Variants in PCDH15 observed in about 807,000 individuals in gnomAD.
The protein encoded by PCDH15 is protocadherin-15.
A neutral mutation model predicts 178.5 loss-of-function variants in PCDH15; 129 were observed. The observed-to-expected ratio is 0.72, with a 90% CI of 0.63 to 0.84. The LOEUF (loss-of-function observed/expected upper bound fraction) is 0.84. PCDH15 is among the 40% of genes least tolerant of loss of function. The probability of loss-of-function intolerance (pLI) is 0.00; values close to 1 mark genes in which losing one functional copy is unlikely to be tolerated. For synonymous variants in PCDH15, 800 were observed against 732.0 expected (o/e 1.09, Z -1.50); for missense variants, 2,230 against 2,099.9 (o/e 1.06, Z -1.21).
chr10:54,292,830 GA>G (rs1422530126), intron 8 of PCDH15, among the ~76,000 whole-genome samples: 1 of 152,076 alleles, frequency 6.6e-6, no homozygotes, highest in Non-Finnish European at 1.5e-5. Flanking sequence ...CAAAAATATG[GA>G]AGAAAATTCC....
chr10:54,240,756 C>G (rs1041597185), intron 8 of PCDH15, among the ~76,000 whole-genome samples: 9 of 151,218 alleles, frequency 6.0e-5, no homozygotes, highest in Non-Finnish European at 1.2e-4. Context: ...CTCAGCCTCC[C>G]GAGTAGCTGG....
intron 2 of PCDH15, among the ~76,000 whole-genome samples, chr10:54,898,735 A>G (rs753224494): frequency 6.6e-6 from 1 of 152,166 alleles, no homozygotes; most frequent in Non-Finnish European, 1.5e-5. Flanking sequence ...CCCAAGGAAA[A>G]CAGTACAAGA....
intron 2 of PCDH15, among the ~76,000 whole-genome samples, chr10:55,492,273 T>C (rs1003726432): frequency 4.6e-5 from 7 of 151,618 alleles, no homozygotes; most frequent in African/African-American, 1.7e-4. Context: ...AAAACAGCCT[T>C]TTCTCCTCAA....
chr10:55,544,467 A>G (rs1841835548), intron 2 of PCDH15, among the ~76,000 whole-genome samples: 1 of 152,036 alleles, frequency 6.6e-6, no homozygotes, highest in African/African-American at 2.4e-5. Flanking sequence ...TCTGTTCTCC[A>G]AAATCTTCTC....
At chr10:53,857,788 T>C (rs547961953) in intron 27 of PCDH15, among the ~76,000 whole-genome samples, 8 of 152,056 alleles carry the variant, frequency 5.3e-5, no homozygotes, top group South Asian at 4.1e-4. Context: ...ACTTTACATA[T>C]GGGTTAAATG....
intron 2 of PCDH15, among the ~76,000 whole-genome samples, chr10:54,973,593 A>G (rs1301257642): frequency 6.6e-6 from 1 of 152,176 alleles, no homozygotes; most frequent in African/African-American, 2.4e-5. Context: ...AGTGTAGAAA[A>G]CAAGGGTGAC....
At chr10:55,423,032 T>C (rs914847662) in intron 2 of PCDH15, among the ~76,000 whole-genome samples, 1 of 151,904 alleles carries the variant, frequency 6.6e-6, no homozygotes, top group Non-Finnish European at 1.5e-5. Flanking sequence ...ATAAGGACTA[T>C]AGAAGTTATC....
intron 2 of PCDH15, among the ~76,000 whole-genome samples, chr10:54,645,892 A>T (rs913980431): frequency 2.6e-5 from 4 of 152,172 alleles, no homozygotes; most frequent in African/African-American, 9.6e-5. Flanking sequence ...TCCTAACAGT[A>T]ATCTAATGAG....
At chr10:54,627,578 C>T (rs7908383) in intron 2 of PCDH15, among the ~76,000 whole-genome samples, 70,513 of 152,108 alleles carry the variant, frequency 0.46, 17,568 homozygotes, top group Non-Finnish European at 0.56. Context: ...TGTGAGTTTT[C>T]CATTAAACTT....
At chr10:54,923,413 A>T (rs1402760241) in intron 2 of PCDH15, among the ~76,000 whole-genome samples, 1 of 138,934 alleles carries the variant, frequency 7.2e-6, no homozygotes, top group East Asian at 2.0e-4. Flanking sequence ...TTTATGCAGC[A>T]GGCTTGAATT....
intron 10 of PCDH15, among the ~76,000 whole-genome samples, chr10:54,203,526 A>G (rs1331433577): frequency 6.6e-6 from 1 of 152,200 alleles, no homozygotes; most frequent in Non-Finnish European, 1.5e-5. Context: ...TTTGGTTTCT[A>G]GTCAGAGTCA....
intron 1 of PCDH15, among the ~76,000 whole-genome samples, chr10:54,749,145 A>G (rs1046162817): frequency 3.9e-5 from 6 of 151,920 alleles, no homozygotes; most frequent in Non-Finnish European, 8.8e-5. Flanking sequence ...TTAGCCTTAT[A>G]ATTCCCAGGC....
intron 2 of PCDH15, among the ~76,000 whole-genome samples, chr10:55,587,103 T>C (rs12257943): frequency 0.74 from 112,739 of 151,948 alleles, 42,689 homozygotes; most frequent in East Asian, 0.99. Context: ...TAATCATATA[T>C]GTACCTTTTT....
chr10:53,937,229 C>A (rs1181595428), intron 25 of PCDH15, among the ~76,000 whole-genome samples: 1 of 152,128 alleles, frequency 6.6e-6, no homozygotes, highest in Non-Finnish European at 1.5e-5. Flanking sequence ...ACTTAATGCA[C>A]CTCTATTCAT....
At chr10:54,576,839 A>G (rs2090522502) in intron 2 of PCDH15, among the ~76,000 whole-genome samples, 1 of 152,198 alleles carries the variant, frequency 6.6e-6, no homozygotes, top group Non-Finnish European at 1.5e-5. Flanking sequence ...GAGTGCATCT[A>G]TTCTCTCAAG....
intron 1 of PCDH15, among the ~76,000 whole-genome samples, chr10:55,226,178 G>A (rs1841032715): frequency 6.6e-6 from 1 of 151,948 alleles, no homozygotes. Context: ...AATATGAACT[G>A]GCAGCCAATA....
intron 25 of PCDH15, among the ~76,000 whole-genome samples, chr10:53,937,963 A>G (rs2134044687): frequency 6.6e-6 from 1 of 152,270 alleles, no homozygotes; most frequent in South Asian, 2.1e-4. Flanking sequence ...CTATTCTATT[A>G]ATAGTTAACT....
chr10:54,182,795 G>A (rs2048118791), intron 13 of PCDH15, among the ~76,000 whole-genome samples: 1 of 151,586 alleles, frequency 6.6e-6, no homozygotes, highest in Admixed American at 6.6e-5. Flanking sequence ...AAAGTAATTT[G>A]AAGATTTAAT....
intron 2 of PCDH15, among the ~76,000 whole-genome samples, chr10:54,555,575 CA>C (rs35998779): frequency 3.5e-4 from 51 of 143,854 alleles, no homozygotes; most frequent in South Asian, 4.4e-4. Context: ...ACTAAAAATA[CA>C]AAAAAAAAAA....
Sources: gnomAD v4.1 joint callset for allele counts (sites outside exome capture counted in the v4.1 genomes callset) on GRCh38, gnomAD v4.1.1 for gene constraint, MANE v1.5 for transcripts, NCBI Gene and HGNC (gene_info 2026-07-23, HGNC 2026-07-21) for gene names.